CAMK2B: variants seen among roughly 807,000 people sequenced by gnomAD.
CAMK2B encodes the protein calcium/calmodulin dependent protein kinase II beta.
A neutral mutation model predicts 93.7 loss-of-function variants in CAMK2B; 27 were observed. That is an observed-to-expected ratio of 0.29 (90% CI 0.21 to 0.40). The LOEUF is 0.40. CAMK2B is among the 10% of genes least tolerant of loss of function. The pLI is 1.00. For synonymous variants in CAMK2B, 374 were observed against 358.8 expected, an observed-to-expected ratio of 1.04 and a Z score of -0.48; for missense variants, 568 against 895.8, an observed-to-expected ratio of 0.63 and a Z score of 4.67.
At chr7:44,258,019 T>C (rs983451414) in intron 4 of CAMK2B, among the ~76,000 whole-genome samples, 1 of 152,262 alleles carries the variant, frequency 6.6e-6, no homozygotes, top group African/African-American at 2.4e-5. Flanking sequence ...CTAAGGCCTA[T>C]GGGCCCTTGC....
intron 4 of CAMK2B, 108 bp downstream of exon 4, chr7:44,258,764 G>T: frequency 1.0e-6 from 1 of 976,180 alleles, no homozygotes; most frequent in Non-Finnish European, 1.6e-6. Flanking sequence ...CAAGGGAGTG[G>T]CCAGCCCACG....
chr7:44,285,385 C>G (rs1376785192), intron 1 of CAMK2B, among the ~76,000 whole-genome samples: 1 of 152,190 alleles, frequency 6.6e-6, no homozygotes, highest in African/African-American at 2.4e-5. Flanking sequence ...GGGCACCCAC[C>G]CGTGCAAACC....
chr7:44,242,490 T>C, intron 9 of CAMK2B, 70 bp downstream of exon 9: 2 of 1,510,120 alleles, frequency 1.3e-6, no homozygotes, highest in Non-Finnish European at 9.1e-7. Flanking sequence ...TCCTAGCCTC[T>C]TCCCACGCTG....
intron 1 of CAMK2B, among the ~76,000 whole-genome samples, chr7:44,298,025 G>C (rs987157829): frequency 2.4e-4 from 37 of 152,326 alleles, no homozygotes; most frequent in African/African-American, 8.7e-4. Flanking sequence ...TCAGGAGGCT[G>C]AGGCAGGAGA....
At chr7:44,288,912 T>C (rs952659956) in intron 1 of CAMK2B, among the ~76,000 whole-genome samples, 36 of 152,194 alleles carry the variant, frequency 2.4e-4, no homozygotes, top group African/African-American at 8.4e-4. Context: ...CTCCCCTGAC[T>C]GCAGCCACCC....
chr7:44,302,744 A>G (rs1207600997), intron 1 of CAMK2B, among the ~76,000 whole-genome samples: 1 of 152,188 alleles, frequency 6.6e-6, no homozygotes, highest in Non-Finnish European at 1.5e-5. Flanking sequence ...CTATGAATAC[A>G]GTGGAGCTTC....
chr7:44,290,930 C>T (rs1197795903), intron 1 of CAMK2B, among the ~76,000 whole-genome samples: 7 of 152,146 alleles, frequency 4.6e-5, no homozygotes, highest in African/African-American at 9.7e-5. Flanking sequence ...CTACAGAATG[C>T]GTTGACGTTG....
rs10230538 is a variant in CAMK2B, at chr7:44,271,346, C to T, written c.161-8282G>A. 0.21 allele frequency among the ~76,000 whole-genome samples: 31,906 copies of T among 152,210 alleles called. 3,658 individuals carry two copies. The highest frequency in any genetic ancestry group is 0.26 in the Non-Finnish European group (17,828 of 67,998). On this transcript the variant is annotated intron_variant, in intron 2 of 23. Transcript: ENST00000395749. The surrounding 1 kb of genome is among the most constrained non-coding windows in gnomAD (Gnocchi z 4.2). ...CTTCAAGGCTAAACTTGACTGCGCT[C>T]GCACACTAGTGACAGAGTACTTGGG...
At chr7:44,298,099 G>A (rs1788803055) in intron 1 of CAMK2B, among the ~76,000 whole-genome samples, 1 of 152,114 alleles carries the variant, frequency 6.6e-6, no homozygotes, top group African/African-American at 2.4e-5. Flanking sequence ...ATTCCAGCCG[G>A]GGTGACAGAG....
intron 20 of CAMK2B, among the ~76,000 whole-genome samples, chr7:44,221,117 A>G (rs754906866): frequency 1.3e-5 from 2 of 152,218 alleles, no homozygotes; most frequent in Non-Finnish European, 2.9e-5. Context: ...TTTCTTAACT[A>G]AAGTATTTTT....
chr7:44,303,767 A>T (rs1790729608), intron 1 of CAMK2B, among the ~76,000 whole-genome samples: 1 of 152,254 alleles, frequency 6.6e-6, no homozygotes, highest in Non-Finnish European at 1.5e-5. Flanking sequence ...ATTAAAAGTA[A>T]AAAGTTCTGT....
intron 1 of CAMK2B, among the ~76,000 whole-genome samples, chr7:44,304,082 T>C (rs1377851559): frequency 1.3e-5 from 2 of 152,182 alleles, no homozygotes; most frequent in Non-Finnish European, 2.9e-5. Context: ...AAATCTAGAA[T>C]TCTGACACCA....
intron 1 of CAMK2B, among the ~76,000 whole-genome samples, chr7:44,323,145 G>A (rs550994451): frequency 2.0e-5 from 3 of 152,312 alleles, no homozygotes; most frequent in South Asian, 4.1e-4. Context: ...CCCAAGAGCC[G>A]CCACAGCAGG....
rs937796265 is a variant in CAMK2B, at chr7:44,248,874, C to T, written c.342-1682G>A. ...AAGCCAGGCCCAAACTCATGGGAGA[C>T]AGCCCCTTGGTGGTGTCACTTCAAT... On this transcript the variant is annotated intron_variant, in intron 5 of 23. Transcript: ENST00000395749. The surrounding 1 kb of genome is among the most constrained non-coding windows in gnomAD (Gnocchi z 4.1). 2.6e-5 allele frequency among the ~76,000 whole-genome samples: 4 copies of T among 152,116 alleles called. No individual in the cohort carries two copies. Among genetic ancestry groups the T allele is most frequent in the Non-Finnish European group, 5.9e-5 (4 of 68,018 alleles).
At chr7:44,231,088 C>T (rs376136708) in intron 16 of CAMK2B, 34 bp from the exon 17 acceptor site, 59 of 1,523,312 alleles carry the variant, frequency 3.9e-5, no homozygotes, top group Admixed American at 2.6e-4. Flanking sequence ...GGTCAGGATG[C>T]GGCCAAGGAT....
intron 6 of CAMK2B, among the ~76,000 whole-genome samples, chr7:44,246,160 G>A (rs147035570): frequency 3.6e-4 from 55 of 152,248 alleles, no homozygotes; most frequent in Non-Finnish European, 6.3e-4. Context: ...ACCCTGGCGA[G>A]TCCTGCTCTC....
intron 1 of CAMK2B, among the ~76,000 whole-genome samples, chr7:44,288,135 G>C (rs147476152): frequency 6.6e-6 from 1 of 152,294 alleles, no homozygotes; most frequent in East Asian, 1.9e-4. Flanking sequence ...TGGGTAGATG[G>C]GTCTGTGCTA....
At chr7:44,302,129 G>A (rs763672988) in intron 1 of CAMK2B, among the ~76,000 whole-genome samples, 3 of 152,048 alleles carry the variant, frequency 2.0e-5, no homozygotes, top group Non-Finnish European at 4.4e-5. Context: ...AAACTCTATG[G>A]CCATAAATTT....
At chr7:44,300,020 C>CTGTGTCTGTGTGTGTGTG (rs71011968) in intron 1 of CAMK2B, among the ~76,000 whole-genome samples, 4 of 141,630 alleles carry the variant, frequency 2.8e-5, no homozygotes, top group East Asian at 2.1e-4. Context: ...GTGTATGTGT[C>CTGTGTCTGTGTGTGTGTG]TGTGTGTGTG....
Sources: allele counts gnomAD v4.1 joint callset (sites outside exome capture counted in the v4.1 genomes callset), GRCh38; gene constraint gnomAD v4.1.1; non-coding constraint Gnocchi (gnomAD v3.1); transcripts MANE v1.5; gene names NCBI Gene and HGNC (gene_info 2026-07-23, HGNC 2026-07-21).